TRHDE: variants seen among roughly 807,000 people sequenced by gnomAD.
The protein encoded by TRHDE is thyrotropin-releasing hormone-degrading ectoenzyme.
TRHDE carries 72 observed loss-of-function variants against 125.7 expected under a neutral mutation model. That is an observed-to-expected ratio of 0.57 (90% CI 0.47 to 0.70). The LOEUF is 0.70. TRHDE is among the 30% of genes least tolerant of loss of function. TRHDE has a pLI of 0.00. For missense variants in TRHDE, 1,110 were observed against 1,327.1 expected (o/e 0.84, Z 2.54); for synonymous variants, 509 against 509.1 (o/e 1.00, Z 0.00).
At chr12:72,199,265 G>T (rs1424432500) in intron 2 of TRHDE, among the ~76,000 whole-genome samples, 3 of 152,078 alleles carry the variant, frequency 2.0e-5, no homozygotes, top group Admixed American at 6.6e-5. Context: ...ACCATAGGAG[G>T]TATGTCAGAG....
chr12:72,482,860 T>TA (rs1877235147), intron 5 of TRHDE, among the ~76,000 whole-genome samples: 1 of 151,862 alleles, frequency 6.6e-6, no homozygotes, highest in Non-Finnish European at 1.5e-5. Flanking sequence ...AATGAAAAAC[T>TA]AAAAAAATCT....
chr12:72,270,419 T>C (rs975045969), upstream of TRHDE, among the ~76,000 whole-genome samples: 2 of 151,354 alleles, frequency 1.3e-5, no homozygotes, highest in Non-Finnish European at 3.0e-5. Context: ...AGCAGGGCTG[T>C]GTTTTTAGTG....
At chr12:72,634,420 T>C (rs1196883968) in intron 15 of TRHDE, among the ~76,000 whole-genome samples, 2 of 152,054 alleles carry the variant, frequency 1.3e-5, no homozygotes, top group Non-Finnish European at 2.9e-5. Flanking sequence ...TTTGGAATAT[T>C]TTCTTTTTTT....
At chr12:72,392,239 C>T (rs1872637420) in intron 3 of TRHDE, among the ~76,000 whole-genome samples, 1 of 152,070 alleles carries the variant, frequency 6.6e-6, no homozygotes. Flanking sequence ...ACTAATACAC[C>T]TATGTAAGGC....
At chr12:72,203,141 G>C (rs748507738) in intron 2 of TRHDE, among the ~76,000 whole-genome samples, 11 of 151,982 alleles carry the variant, frequency 7.2e-5, no homozygotes, top group Non-Finnish European at 1.2e-4. Context: ...GAGAAAGAGA[G>C]ATAGAGAGAG....
chr12:72,112,212 A>G (rs887625104), intron 2 of TRHDE, among the ~76,000 whole-genome samples: 2 of 152,096 alleles, frequency 1.3e-5, no homozygotes, highest in South Asian at 4.2e-4. Flanking sequence ...GGGTTTCCTG[A>G]TGCTGTACTA....
intron 3 of TRHDE, among the ~76,000 whole-genome samples, chr12:72,411,239 T>C (rs955768578): frequency 1.3e-5 from 2 of 149,066 alleles, no homozygotes; most frequent in African/African-American, 4.9e-5. Context: ...AAATTGCAAC[T>C]GATAACATTT....
chr12:72,340,947 T>A (rs146337788), intron 2 of TRHDE, among the ~76,000 whole-genome samples: 1 of 152,248 alleles, frequency 6.6e-6, no homozygotes, highest in East Asian at 1.9e-4. Context: ...TCTTGTTAGA[T>A]ACGGGAGTGG....
chr12:72,579,209 C>A (rs555383730), intron 12 of TRHDE, among the ~76,000 whole-genome samples: 2 of 151,880 alleles, frequency 1.3e-5, no homozygotes, highest in African/African-American at 2.4e-5. Context: ...TATTCTGAAG[C>A]CTTTTCCAAT....
At chr12:72,577,685 TA>T (rs1311754670) in intron 12 of TRHDE, among the ~76,000 whole-genome samples, 13 of 152,326 alleles carry the variant, frequency 8.5e-5, no homozygotes, top group Admixed American at 8.5e-4. Context: ...TGATATAAGT[TA>T]TTTTTAGATG....
chr12:72,479,235 GAAGAATAT>G (rs1877045416), intron 5 of TRHDE, among the ~76,000 whole-genome samples: 2 of 152,144 alleles, frequency 1.3e-5, no homozygotes, highest in Non-Finnish European at 2.9e-5. Flanking sequence ...TACTACAACT[GAAGAATAT>G]ATAATATATA....
chr12:72,306,913 G>A lies in TRHDE; in HGVS notation c.1188+19959G>A, dbSNP rs542928734. Among the ~76,000 whole-genome samples, 7 of 152,256 alleles carry A rather than the reference G, an allele frequency of 4.6e-5. No individual in the cohort carries two copies. The East Asian group carries it at 1.4e-3, about 29-fold the overall frequency. On this transcript the variant is annotated intron_variant, in intron 2 of 18. Coordinates refer to ENST00000261180, the MANE Select transcript of TRHDE (RefSeq NM_013381.3). ...GACTGAACAGAGAAAGTAGACCTTG[G>A]GATATCTGGGGAAAGAGGATTTCAC...
intron 6 of TRHDE, among the ~76,000 whole-genome samples, chr12:72,517,947 G>T (rs895145166): frequency 2.0e-5 from 3 of 151,814 alleles, no homozygotes; most frequent in Non-Finnish European, 4.4e-5. Flanking sequence ...CCATGTAATT[G>T]AGCGGTTTTG....
At chr12:72,267,371 A>G (rs915710090), upstream of TRHDE, among the ~76,000 whole-genome samples, 2 of 152,122 alleles carry the variant, frequency 1.3e-5, no homozygotes, top group African/African-American at 4.8e-5. Context: ...CTCTTTGGAT[A>G]TAACATGTAA....
chr12:72,598,408 A>C (rs1040396518), intron 12 of TRHDE, among the ~76,000 whole-genome samples: 1 of 152,216 alleles, frequency 6.6e-6, no homozygotes. Flanking sequence ...ATTGATCAGC[A>C]AACTGGGAAT....
At chr12:72,318,780 A>G (rs1469798111) in intron 2 of TRHDE, among the ~76,000 whole-genome samples, 2 of 152,100 alleles carry the variant, frequency 1.3e-5, no homozygotes, top group Non-Finnish European at 2.9e-5. Context: ...TGAGGAATAT[A>G]TGAAATAATA....
chr12:72,446,366 C>T (rs896497345), intron 3 of TRHDE, among the ~76,000 whole-genome samples: 3 of 151,844 alleles, frequency 2.0e-5, no homozygotes, highest in African/African-American at 7.3e-5. Context: ...AAGCACTAAA[C>T]ACGGAAAGGA....
chr12:72,306,042 T>C (rs1438819463), intron 2 of TRHDE, among the ~76,000 whole-genome samples: 2 of 152,234 alleles, frequency 1.3e-5, no homozygotes, highest in Non-Finnish European at 2.9e-5. Context: ...GCAAGTCTCA[T>C]GCAGTTTGGG....
At chr12:72,406,307 G>A (rs1172933689) in intron 3 of TRHDE, among the ~76,000 whole-genome samples, 3 of 152,058 alleles carry the variant, frequency 2.0e-5, no homozygotes, top group African/African-American at 4.8e-5. Flanking sequence ...TACTCTATAC[G>A]TCAACAGATT....
Sources: allele counts gnomAD v4.1 joint callset (sites outside exome capture counted in the v4.1 genomes callset), GRCh38; gene constraint gnomAD v4.1.1; transcripts MANE v1.5; gene names NCBI Gene and HGNC (gene_info 2026-07-23, HGNC 2026-07-21).